ADAMTS18: variants seen among roughly 807,000 people sequenced by gnomAD.
ADAMTS18 encodes ADAM metallopeptidase with thrombospondin type 1 motif 18.
ADAMTS18 carries 157 observed loss-of-function variants against 165.9 expected under a neutral mutation model. That is an observed-to-expected ratio of 0.95 (90% CI 0.83 to 1.08). The LOEUF (loss-of-function observed/expected upper bound fraction) is 1.08. Among genes scored for constraint, ADAMTS18 ranks in the 50% least tolerant of loss-of-function variants. ADAMTS18 has a pLI of 0.00. For synonymous variants in ADAMTS18, 782 were observed against 578.2 expected (o/e 1.35, Z -5.06); for missense variants, 2,040 against 1,534.0 (o/e 1.33, Z -5.51).
At chr16:77,324,105 G>A (rs1325309502) in intron 13 of ADAMTS18, among the ~76,000 whole-genome samples, 1 of 152,174 alleles carries the variant, frequency 6.6e-6, no homozygotes, top group Admixed American at 6.5e-5. Context: ...ATGTTTGAAT[G>A]AAAGATGTAA....
chr16:77,431,832 A>G (rs911423549), intron 2 of ADAMTS18: 3 of 588,462 alleles, frequency 5.1e-6, no homozygotes, highest in Non-Finnish European at 9.1e-6. Flanking sequence ...AAAGCCAAGC[A>G]CAATTTTGAT....
At chr16:77,339,379 G>A (rs2056363725) in intron 11 of ADAMTS18, among the ~76,000 whole-genome samples, 1 of 152,026 alleles carries the variant, frequency 6.6e-6, no homozygotes, top group Non-Finnish European at 1.5e-5. Context: ...TGTGGCAGTT[G>A]TATCAAGACA....
chr16:77,411,922 C>T (rs1271530597), intron 3 of ADAMTS18, among the ~76,000 whole-genome samples: 10 of 151,738 alleles, frequency 6.6e-5, no homozygotes, highest in African/African-American at 4.8e-5. Context: ...CTCCTGACCT[C>T]GTGTTTCACC....
In ADAMTS18 at chr16:77,334,237, T is replaced by C. The variant is rs190891064; in HGVS notation, c.1859+1519A>G. 1.0e-4 allele frequency among the ~76,000 whole-genome samples: 7 copies of C among 68,670 alleles called. 1 individual carries two copies. The highest frequency in any genetic ancestry group is 4.5e-4 in the Admixed American group (2 of 4,490). The allele number at this position is 68,670 out of a possible 152,430, so 45.1% of individuals were successfully genotyped here. A position where few individuals can be genotyped will look rare whatever the true frequency, so the allele number is the denominator to read the frequency against. ...AGTGTTATATATTATATATAATATA[T>C]AGTGTTATATATTACATATAATATA... On this transcript the variant is annotated intron_variant, in intron 12 of 22. Transcript: ENST00000282849.
intron 16 of ADAMTS18, among the ~76,000 whole-genome samples, chr16:77,311,868 G>C (rs1279524800): frequency 1.3e-5 from 2 of 152,116 alleles, no homozygotes; most frequent in East Asian, 3.9e-4. Context: ...TCTATTGGTA[G>C]AATGAGTGCA....
At chr16:77,299,185 TACTC>T (rs1444642061) in intron 17 of ADAMTS18, among the ~76,000 whole-genome samples, 1 of 152,234 alleles carries the variant, frequency 6.6e-6, no homozygotes, top group Non-Finnish European at 1.5e-5. Context: ...TACAAAATGA[TACTC>T]ACGGTATGTG....
rs769882540 is a variant in ADAMTS18 at position 77,295,068 on chromosome 16, C to T, written c.2861G>A (p.Arg954Gln). ...SKACAGGQQS[R>Q]KIQCVQKKPF... ...CTTCTTTTGCACACACTGGATCTTT[C>T]GGCTCTGCTGGCCTCCAGCACAGGC... is the stretch of plus-strand genomic sequence containing the variant. Residue 954 changes from arginine (R) to glutamine (Q), a missense_variant, in exon 19 of 23, where the codon CGA becomes CAA. Transcript: ENST00000282849. 3.7e-6 allele frequency: 6 copies of T among 1,614,196 alleles called. No homozygotes were observed. Among genetic ancestry groups the T allele is most frequent in the East Asian group, 2.2e-5 (1 of 44,874 alleles).
chr16:77,291,765 T>TG (rs1185976104), intron 20 of ADAMTS18, among the ~76,000 whole-genome samples: 1 of 152,168 alleles, frequency 6.6e-6, no homozygotes, highest in East Asian at 1.9e-4. Flanking sequence ...GGGTGTGAGA[T>TG]GGAGTCCAGG....
chr16:77,411,589 T>G (rs992264845), intron 3 of ADAMTS18, among the ~76,000 whole-genome samples: 1 of 151,468 alleles, frequency 6.6e-6, no homozygotes, highest in African/African-American at 2.4e-5. Flanking sequence ...TATGAAGAGG[T>G]GCAAAGTCAA....
At chr16:77,308,280 C>T (rs1597103356) in intron 16 of ADAMTS18, among the ~76,000 whole-genome samples, 1 of 152,312 alleles carries the variant, frequency 6.6e-6, no homozygotes, top group Admixed American at 6.5e-5. Context: ...CCTGTATTAT[C>T]ATGTCATACT....
At chr16:77,295,321 T>A (rs536201323) in intron 18 of ADAMTS18, among the ~76,000 whole-genome samples, 194 bp from the exon 19 acceptor site, 2 of 152,314 alleles carry the variant, frequency 1.3e-5, no homozygotes, top group African/African-American at 4.8e-5. Context: ...TAATCACATT[T>A]AATCATCCCA....
intron 3 of ADAMTS18, among the ~76,000 whole-genome samples, chr16:77,396,249 T>C (rs1189177842): frequency 1.3e-5 from 2 of 152,216 alleles, no homozygotes; most frequent in African/African-American, 4.8e-5. Context: ...ATACAACTAT[T>C]GCCACTTGAC....
chr16:77,360,976 C>A lies in ADAMTS18; in HGVS notation c.1216+1129G>T, dbSNP rs907008378. On this transcript the variant is annotated intron_variant, in intron 7 of 22. Coordinates refer to ENST00000282849, the MANE Select transcript of ADAMTS18 (RefSeq NM_199355.4). ...TGGTGGGTGCCTGTAAACCCAGCTA[C>A]TCTGGAGGCTGAGGCAGGAGAATCA... Among the ~76,000 whole-genome samples, 5 of 152,190 alleles carry A rather than the reference C, an allele frequency of 3.3e-5. No homozygotes were observed. The South Asian group carries it at 1.0e-3, about 32-fold the overall frequency.
rs2055580079 is a variant in ADAMTS18, at chr16:77,301,403, G to T, written c.2533-999C>A. The stretch of plus-strand genomic sequence containing the variant: ...TGCAATGTATCACCTTGTTTTTGAT[G>T]TAGGAAAAGCATCTGTCTGCCTTCT... On this transcript the variant is annotated intron_variant, in intron 16 of 22. Coordinates refer to ENST00000282849, the MANE Select transcript of ADAMTS18 (RefSeq NM_199355.4). Among the ~76,000 whole-genome samples, 5 of 152,190 alleles carry T rather than the reference G, an allele frequency of 3.3e-5. 1 individual carries two copies. In the South Asian group the frequency reaches 1.0e-3, roughly 31 times the overall value.
chr16:77,431,627 T>C lies in ADAMTS18; in HGVS notation c.179-16A>G, dbSNP rs1278917360. The C allele has an allele frequency of 6.2e-7, 1 of 1,613,042 alleles. No homozygotes were observed. Among genetic ancestry groups the C allele is most frequent in the South Asian group, 1.1e-5 (1 of 91,050 alleles). Reference sequence around the variant, plus strand: ...AAGACGTAATCTGCAATGGGAAAAGTTCAGCTGTCAGCACCCAGAGCCCAC... The same window carrying C: ...AAGACGTAATCTGCAATGGGAAAAGCTCAGCTGTCAGCACCCAGAGCCCAC... On this transcript the variant is annotated splice_polypyrimidine_tract_variant and intron_variant, in intron 2 of 22. Transcript: ENST00000282849.
chr16:77,387,231 T>C (rs1169626206), intron 3 of ADAMTS18, among the ~76,000 whole-genome samples: 1 of 152,182 alleles, frequency 6.6e-6, no homozygotes, highest in East Asian at 1.9e-4. Context: ...GCAAATTCTC[T>C]TCCTGTTACA....
intron 3 of ADAMTS18, among the ~76,000 whole-genome samples, chr16:77,424,911 G>A (rs1354714591): frequency 1.3e-5 from 2 of 152,288 alleles, no homozygotes; most frequent in Non-Finnish European, 1.5e-5. Flanking sequence ...CAAAGCAGCT[G>A]AGCCTAGTTT....
chr16:77,394,839 G>C (rs924833013), intron 3 of ADAMTS18, among the ~76,000 whole-genome samples: 1 of 152,124 alleles, frequency 6.6e-6, no homozygotes, highest in African/African-American at 2.4e-5. Flanking sequence ...TTTAGCATCC[G>C]TGTTTTTACA....
In ADAMTS18 at chr16:77,283,774, C is replaced by T. The variant is rs2055193809; in HGVS notation, c.*182G>A. On this transcript the variant is annotated 3_prime_UTR_variant, in exon 23 of 23. Transcript: ENST00000282849. Reference sequence around the variant, plus strand: ...TTCAAGTGCTTCAGAGTACCACGTGCTTCAGGGAATTGAGCTAGAAGCCTA... The same window carrying T: ...TTCAAGTGCTTCAGAGTACCACGTGTTTCAGGGAATTGAGCTAGAAGCCTA... 1.7e-6 allele frequency: 1 copy of T among 600,606 alleles called. No homozygotes were observed. Among genetic ancestry groups the T allele is most frequent in the Non-Finnish European group, 3.0e-6 (1 of 335,980 alleles). The allele number at this position is 600,606 out of a possible 1,614,324, so 37.2% of individuals were successfully genotyped here. A position where few individuals can be genotyped will look rare whatever the true frequency, so the allele number is the denominator to read the frequency against.
Sources: allele counts gnomAD v4.1 joint callset (sites outside exome capture counted in the v4.1 genomes callset), GRCh38; gene constraint gnomAD v4.1.1; transcripts MANE v1.5; gene names NCBI Gene and HGNC (gene_info 2026-07-23, HGNC 2026-07-21).